The following TSPAN11 variants were observed in gnomAD, a reference collection of about 807,000 sequenced individuals.
TSPAN11 encodes tetraspanin-11.
Under a neutral mutation model 32.9 loss-of-function variants are expected in TSPAN11, and 29 were observed. The observed-to-expected ratio is 0.88, with a 90% CI of 0.66 to 1.20. The LOEUF (loss-of-function observed/expected upper bound fraction) is 1.20. Ranked by LOEUF, TSPAN11 falls within the 50% of genes most tolerant of loss-of-function variation. TSPAN11 has a pLI of 0.00. For synonymous variants in TSPAN11, 140 were observed against 141.3 expected (o/e 0.99, Z 0.07); for missense variants, 283 against 329.1 (o/e 0.86, Z 1.08).
At chr12:30,961,070 A>G (rs1020371977) in intron 2 of TSPAN11, among the ~76,000 whole-genome samples, 1 of 151,452 alleles carries the variant, frequency 6.6e-6, no homozygotes, top group African/African-American at 2.4e-5. Context: ...ACCCTCATGG[A>G]AAACCACGCT....
intron 7 of TSPAN11, among the ~76,000 whole-genome samples, chr12:30,989,130 C>T (rs981389997): frequency 2.6e-5 from 4 of 152,152 alleles, no homozygotes; most frequent in Non-Finnish European, 4.4e-5. Flanking sequence ...GGCAGAGTGC[C>T]GTCCCTTCTC....
intron 1 of TSPAN11, among the ~76,000 whole-genome samples, chr12:30,948,470 T>C (rs1445323595): frequency 6.6e-6 from 1 of 152,210 alleles, no homozygotes; most frequent in African/African-American, 2.4e-5. Flanking sequence ...TTCCCAAACC[T>C]CAGTTCTTGA....
At chr12:30,967,465 G>A (rs1158632208) in intron 3 of TSPAN11, among the ~76,000 whole-genome samples, 1 of 152,168 alleles carries the variant, frequency 6.6e-6, no homozygotes, top group East Asian at 1.9e-4. Context: ...GGCAGAGAGG[G>A]GCACAGCAGC....
At chr12:30,961,029 GAAAAAA>G (rs113586330) in intron 2 of TSPAN11, among the ~76,000 whole-genome samples, 2 of 138,504 alleles carry the variant, frequency 1.4e-5, no homozygotes, top group African/African-American at 2.7e-5. Flanking sequence ...ACAGAGCGAG[GAAAAAA>G]AAAAAAAAGA....
Position 30,991,844 on chromosome 12 carries a change from T to G in TSPAN11, c.703-12T>G. The G allele has an allele frequency of 1.2e-6, 2 of 1,614,166 alleles. No homozygotes were observed. Among genetic ancestry groups the G allele is most frequent in the Non-Finnish European group, 1.7e-6 (2 of 1,180,004 alleles). On this transcript the variant is annotated splice_polypyrimidine_tract_variant and intron_variant, in intron 7 of 7. Coordinates refer to ENST00000546076, the MANE Select transcript of TSPAN11 (RefSeq NM_001370302.1). ...GATTTCTCTTTGCTCCTCTGCTCTC[T>G]CCACCTGGCAGATCTGCGGGATGGT...
In TSPAN11 at chr12:30,975,513, C is replaced by A. The variant is rs1592489366; in HGVS notation, c.277-3048C>A. Among the ~76,000 whole-genome samples the A allele has an allele frequency of 6.6e-6, 1 of 152,146 alleles. No homozygotes were observed. Among genetic ancestry groups the A allele is most frequent in the East Asian group, 1.9e-4 (1 of 5,178 alleles). ...CCACCGCCACTGCCAAGCTCTCTCC[C>A]CTCCTCCTGACCACTCCGCAGGTCA... On this transcript the variant is annotated intron_variant, in intron 3 of 7. Transcript: ENST00000546076. This position sits in a 1 kb window ranked among gnomAD's most constrained non-coding sequence, Gnocchi z 4.5.
chr12:30,965,024 C>T (rs1360888981), intron 3 of TSPAN11, among the ~76,000 whole-genome samples: 4 of 152,320 alleles, frequency 2.6e-5, no homozygotes, highest in South Asian at 4.2e-4. Flanking sequence ...TGATGCAGGT[C>T]GGTCAACTGA....
intron 2 of TSPAN11, among the ~76,000 whole-genome samples, chr12:30,963,296 C>T (rs866244939): frequency 1.3e-5 from 2 of 152,178 alleles, no homozygotes; most frequent in African/African-American, 4.8e-5. Flanking sequence ...ACCTTTCCTC[C>T]GTGGGTCTCA....
chr12:30,987,499 C>T (rs1266374661), intron 7 of TSPAN11, among the ~76,000 whole-genome samples: 1 of 152,120 alleles, frequency 6.6e-6, no homozygotes, highest in Non-Finnish European at 1.5e-5. Flanking sequence ...CCCAGCTACT[C>T]AGAAGGCTAA....
intron 1 of TSPAN11, among the ~76,000 whole-genome samples, chr12:30,930,107 C>T (rs1592455960): frequency 6.6e-6 from 1 of 151,018 alleles, no homozygotes; most frequent in Non-Finnish European, 1.5e-5. Context: ...CGTGTAGATG[C>T]CCTGCTCTTG....
intron 3 of TSPAN11, among the ~76,000 whole-genome samples, chr12:30,972,386 G>A (rs1249883575): frequency 2.0e-5 from 3 of 152,202 alleles, no homozygotes; most frequent in African/African-American, 7.2e-5. Context: ...AAACAAGGAT[G>A]CTAACAGTGA....
intron 7 of TSPAN11, chr12:30,986,820 G>A (rs1939208840): frequency 6.6e-6 from 1 of 152,226 alleles, no homozygotes; most frequent in African/African-American, 2.4e-5. Context: ...GGAGAAATCA[G>A]GGCAGGCTGG....
the TSPAN11 span, among the ~76,000 whole-genome samples, chr12:31,010,200 G>A: frequency 1.3e-5 from 2 of 152,190 alleles, no homozygotes; most frequent in African/African-American, 4.8e-5. Context: ...ATCCCCTGGT[G>A]CAGGAACCCA....
chr12:30,935,896 G>C (rs960968551), intron 1 of TSPAN11, among the ~76,000 whole-genome samples: 2 of 152,140 alleles, frequency 1.3e-5, no homozygotes, highest in Non-Finnish European at 2.9e-5. Context: ...TCTCTGCCAT[G>C]GTCTTGCAGA....
At chr12:30,959,045 G>C (rs1030818755) in intron 2 of TSPAN11, among the ~76,000 whole-genome samples, 1 of 152,166 alleles carries the variant, frequency 6.6e-6, no homozygotes, top group Admixed American at 6.5e-5. Flanking sequence ...AAGCAGGAAA[G>C]AGAAACACTA....
In TSPAN11 at chr12:30,982,696, C is replaced by T; in HGVS notation, c.615+6C>T. Reference sequence around the variant, plus strand: ...CCAACATCTATAAGGTGGAGGTGAGCACCCAAGCTCAAGTTGGGGGTGAGG... The same window carrying T: ...CCAACATCTATAAGGTGGAGGTGAGTACCCAAGCTCAAGTTGGGGGTGAGG... On this transcript the variant is annotated splice_donor_region_variant and intron_variant, in intron 6 of 7. Coordinates refer to ENST00000546076, the MANE Select transcript of TSPAN11 (RefSeq NM_001370302.1). 1 of 1,547,620 alleles carries T rather than the reference C, an allele frequency of 6.5e-7. No homozygotes were observed. Among genetic ancestry groups the T allele is most frequent in the East Asian group, 2.4e-5 (1 of 41,316 alleles).
intron 3 of TSPAN11, 78 bp downstream of exon 3, chr12:30,964,095 C>G (rs1938677576): frequency 1.3e-6 from 2 of 1,534,444 alleles, no homozygotes; most frequent in Admixed American, 3.6e-5. Flanking sequence ...TGAGAGGGGC[C>G]CCAGCCCTGG....
intron 2 of TSPAN11, among the ~76,000 whole-genome samples, chr12:30,960,467 G>C (rs1179377432): frequency 2.0e-5 from 3 of 151,906 alleles, no homozygotes; most frequent in East Asian, 1.9e-4. Context: ...GAAGCCCTAT[G>C]GTAGCGAGAC....
chr12:30,934,972 A>C (rs1405624348), intron 1 of TSPAN11, among the ~76,000 whole-genome samples: 1 of 152,136 alleles, frequency 6.6e-6, no homozygotes, highest in African/African-American at 2.4e-5. Flanking sequence ...CTTTATAAAC[A>C]CAACACAGCT....
Sources: gnomAD v4.1 joint callset for allele counts (sites outside exome capture counted in the v4.1 genomes callset) on GRCh38, gnomAD v4.1.1 for gene constraint, Gnocchi (gnomAD v3.1) non-coding constraint, MANE v1.5 for transcripts, NCBI Gene and HGNC (gene_info 2026-07-23, HGNC 2026-07-21) for gene names.